The following ZMAT1 variants were observed in gnomAD, a reference collection of about 807,000 sequenced individuals.
ZMAT1 encodes zinc finger matrin-type protein 1.
A neutral mutation model predicts 18.5 loss-of-function variants in ZMAT1; 11 were observed. That is an observed-to-expected ratio of 0.59 (90% CI 0.37 to 0.98). The LOEUF (loss-of-function observed/expected upper bound fraction) is 0.98. ZMAT1 is among the 50% of genes least tolerant of loss of function. The probability of loss-of-function intolerance (pLI) is 0.01; values close to 1 mark genes in which losing one functional copy is unlikely to be tolerated. For synonymous variants in ZMAT1, 211 were observed against 176.4 expected, an observed-to-expected ratio of 1.20 and a Z score of -1.55; for missense variants, 525 against 496.2, an observed-to-expected ratio of 1.06 and a Z score of -0.55.
chrX:101,910,639 A>C (rs1928902373), intron 1 of ZMAT1, among the ~76,000 whole-genome samples: 1 of 112,578 alleles, frequency 8.9e-6, no homozygotes, highest in African/African-American at 3.2e-5. Context: ...TGGCATACTG[A>C]AGAATGAATC....
At chrX:101,923,567 T>A (rs1929863947) in intron 1 of ZMAT1, among the ~76,000 whole-genome samples, 1 of 111,692 alleles carries the variant, frequency 9.0e-6, no homozygotes, top group African/African-American at 3.3e-5. Context: ...AGGGTCCCAA[T>A]ATTTCTTCTC....
chrX:101,884,412 A>G lies in ZMAT1; in HGVS notation c.1186T>C (p.Tyr396His), dbSNP rs1434334837. Residue 396 changes from tyrosine (Y) to histidine (H), a missense_variant, in exon 6 of 6, where the codon TAC becomes CAC. Physicochemically the swap from Tyr to His is moderately conservative, Grantham distance 83. Transcript: ENST00000651725. Reference sequence around the variant, plus strand: ...GGTCCAGAATCAACCATTTCTCTGTACCCATGAGTATCCACAGAGTTCTCT... The same window carrying G: ...GGTCCAGAATCAACCATTTCTCTGTGCCCATGAGTATCCACAGAGTTCTCT... ...MRENSVDTHG[Y>H]REMVDSGPRS... 8.3e-7 allele frequency: 1 copy of G among 1,205,417 alleles called. No individual in the cohort carries two copies.
Position 101,926,553 on chromosome X carries a change from T to C in ZMAT1, c.292+5164A>G, listed in dbSNP as rs753043349. Reference sequence around the variant, plus strand: ...GCTTGAGTGAGAATAATGAATTTGGTCCACCCATGCTTATGGAATTGTAAA... The same window carrying C: ...GCTTGAGTGAGAATAATGAATTTGGCCCACCCATGCTTATGGAATTGTAAA... On this transcript the variant is annotated intron_variant, in intron 1 of 5. Coordinates refer to ENST00000651725, the MANE Select transcript of ZMAT1 (RefSeq NM_001394560.1). Among the ~76,000 whole-genome samples the C allele has an allele frequency of 7.1e-5, 8 of 112,119 alleles. No individual in the cohort carries two copies. The East Asian group carries it at 2.2e-3, about 31-fold the overall frequency.
At chrX:101,910,923 A>G (rs1250811343) in intron 1 of ZMAT1, among the ~76,000 whole-genome samples, 1 of 111,563 alleles carries the variant, frequency 9.0e-6, no homozygotes, top group Non-Finnish European at 1.9e-5. Flanking sequence ...TCCAAGTACA[A>G]GAACATTATA....
intron 2 of ZMAT1, 36 bp from the exon 3 acceptor site, chrX:101,898,256 T>A (rs1302738956): frequency 8.9e-7 from 1 of 1,119,224 alleles, no homozygotes; most frequent in Admixed American, 2.3e-5. Context: ...GTTTATTCAA[T>A]AAAAGAGTCA....
At position 101,884,577 on chromosome X, in the gene ZMAT1, A is replaced by G. The variant is rs1426832277; in HGVS notation, c.1021T>C (p.Tyr341His). The G allele has an allele frequency of 1.7e-6, 2 of 1,210,723 alleles. No homozygotes were observed. Among genetic ancestry groups the G allele is most frequent in the Admixed American group, 2.2e-5 (1 of 45,869 alleles). Residue 341 changes from tyrosine (Y) to histidine (H), a missense_variant, in exon 6 of 6, where the codon TAC (tyrosine) becomes CAC (histidine). Transcript: ENST00000651725. ...FETFRTYAAP[Y>H]NISQAMEKQL... ...TTTTCCATTGCTTGTGAAATATTGT[A>G]TGGTGCTGCGTATGTCCGGAAAGTC...
intron 4 of ZMAT1, chrX:101,887,565 C>T (rs1309615173): frequency 9.0e-6 from 1 of 111,621 alleles, no homozygotes; most frequent in African/African-American, 3.3e-5. Context: ...TGGGGACAAC[C>T]ATGGTAATCT....
At chrX:101,894,248 T>G (rs752725399) in intron 4 of ZMAT1, among the ~76,000 whole-genome samples, 6 of 111,368 alleles carry the variant, frequency 5.4e-5, no homozygotes, top group Non-Finnish European at 1.1e-4. Context: ...TTCTAACAAG[T>G]TCCCAGGTGA....
In ZMAT1 at chrX:101,895,671, GT is replaced by G. The variant is rs67043168; in HGVS notation, c.676+2196del. ...GTCTCCCTGGCTTCATTTCTTTTGT[GT>G]TTTTTTTTTTCCCAACATAATGTTG... is the stretch of plus-strand genomic sequence containing the variant. On this transcript the variant is annotated intron_variant, in intron 4 of 5. Transcript: ENST00000651725. 2.8e-3 allele frequency: 337 copies of G among 121,662 alleles called. 1 individual carries two copies. Among genetic ancestry groups the G allele is most frequent in the Non-Finnish European group, 3.7e-3 (247 of 67,105 alleles). 10.0% of individuals were successfully genotyped at this position (121,662 alleles called of 1,213,427 possible).
intron 1 of ZMAT1, among the ~76,000 whole-genome samples, chrX:101,915,412 T>G (rs1269741700): frequency 9.0e-6 from 1 of 111,246 alleles, no homozygotes; most frequent in African/African-American, 3.3e-5. Context: ...TATCCTTGTT[T>G]GCAGATGATG....
chrX:101,893,794 T>TTA (rs1021417268), intron 4 of ZMAT1, among the ~76,000 whole-genome samples: 2 of 110,568 alleles, frequency 1.8e-5, no homozygotes, highest in Admixed American at 1.9e-4. Context: ...AGGGGAAGTG[T>TTA]TATAGGGATA....
chrX:101,908,849 A>G (rs1279150093), intron 1 of ZMAT1, among the ~76,000 whole-genome samples: 1 of 111,267 alleles, frequency 9.0e-6, no homozygotes, highest in African/African-American at 3.3e-5. Flanking sequence ...CGCAATTCGT[A>G]GGCGAGTCCT....
At chrX:101,901,935 T>G (rs1172371642) in intron 2 of ZMAT1, among the ~76,000 whole-genome samples, 1 of 112,055 alleles carries the variant, frequency 8.9e-6, no homozygotes, top group Non-Finnish European at 1.9e-5. Flanking sequence ...TTTATTTTGC[T>G]AACACAAGCA....
At chrX:101,905,899 A>AC (rs1928586362) in intron 1 of ZMAT1, among the ~76,000 whole-genome samples, 2 of 80,208 alleles carry the variant, frequency 2.5e-5, no homozygotes, top group South Asian at 4.7e-4. Flanking sequence ...AAAAAAAAAA[A>AC]AAAAAACAAA....
At chrX:101,902,708 C>A (rs1335606370) in intron 2 of ZMAT1, among the ~76,000 whole-genome samples, 2 of 111,515 alleles carry the variant, frequency 1.8e-5, no homozygotes, top group Admixed American at 1.9e-4. Flanking sequence ...TGAATTATAA[C>A]ATAAGAAGTA....
intron 1 of ZMAT1, among the ~76,000 whole-genome samples, chrX:101,910,513 C>A (rs765944632): frequency 8.9e-6 from 1 of 112,046 alleles, no homozygotes; most frequent in South Asian, 3.7e-4. Flanking sequence ...TGAGGAAACT[C>A]AAAGAAATTC....
chrX:101,897,871 T>G lies in ZMAT1; in HGVS notation c.673A>C (p.Met225Leu). Residue 225 changes from methionine to leucine, a missense_variant, in exon 4 of 6, where the codon ATG becomes CTG. Transcript: ENST00000651725. ...QASPSGFQPEMAFSMRTYVCH... is the reference protein window; with the variant it reads ...QASPSGFQPELAFSMRTYVCH... ...CAAGAGGTGAATGGAACCTTACCCATCTCTGGTTGAAATCCTGATGGAGAT... is the reference window on the plus strand; with the variant it reads ...CAAGAGGTGAATGGAACCTTACCCAGCTCTGGTTGAAATCCTGATGGAGAT... 1 of 1,209,655 alleles carries G rather than the reference T, an allele frequency of 8.3e-7. No homozygotes were observed. The highest frequency in any genetic ancestry group is 1.1e-6 in the Non-Finnish European group (1 of 894,222).
intron 1 of ZMAT1, among the ~76,000 whole-genome samples, chrX:101,905,652 T>C (rs1928562935): frequency 9.0e-6 from 1 of 111,555 alleles, no homozygotes; most frequent in Non-Finnish European, 1.9e-5. Context: ...TTAAAAATGG[T>C]TAACTCTGGT....
At chrX:101,892,143 A>G (rs755039812) in intron 4 of ZMAT1, among the ~76,000 whole-genome samples, 12 of 111,168 alleles carry the variant, frequency 1.1e-4, no homozygotes, top group Non-Finnish European at 1.7e-4. Context: ...AAAGTGAAGG[A>G]AAAGGAAACA....
Sources: gnomAD v4.1 joint callset for allele counts (sites outside exome capture counted in the v4.1 genomes callset) on GRCh38, gnomAD v4.1.1 for gene constraint, MANE v1.5 for transcripts, NCBI Gene and HGNC (gene_info 2026-07-23, HGNC 2026-07-21) for gene names.